Variants in KIAA1958 observed in about 807,000 individuals in gnomAD.
The protein encoded by KIAA1958 is uncharacterized protein KIAA1958.
A neutral mutation model predicts 47.2 loss-of-function variants in KIAA1958; 14 were observed. The ratio of observed to expected loss-of-function variants is 0.30; its 90% CI spans 0.20 to 0.46. The LOEUF is 0.46. Among genes scored for constraint, KIAA1958 ranks in the 20% least tolerant of loss-of-function variants. The pLI, the probability that KIAA1958 is intolerant of heterozygous loss-of-function variation, is 1.00. For synonymous variants in KIAA1958, 354 were observed against 353.3 expected, an observed-to-expected ratio of 1.00 and a Z score of -0.02; for missense variants, 803 against 909.2, an observed-to-expected ratio of 0.88 and a Z score of 1.50.
Position 112,660,073 on chromosome 9 carries a change from C to T in KIAA1958, c.*4C>T. 5 of 1,610,404 alleles carry T rather than the reference C, an allele frequency of 3.1e-6. No homozygotes were observed. The highest frequency in any genetic ancestry group is 4.2e-6 in the Non-Finnish European group (5 of 1,178,922). ...CTCCCACAGCTGCTGCCAGTGAGCC[C>T]CCACTGGGGCCCGGCCACTGCCCTG... On this transcript the variant is annotated 3_prime_UTR_variant, in exon 4 of 4. Transcript: ENST00000337530.
At chr9:112,565,239 C>A (rs1032465299) in intron 1 of KIAA1958, among the ~76,000 whole-genome samples, 3 of 152,312 alleles carry the variant, frequency 2.0e-5, no homozygotes, top group Admixed American at 6.5e-5. Context: ...CTAAACTCCA[C>A]CAGCTAGAAC....
chr9:112,657,997 C>T (rs894373704), intron 3 of KIAA1958, among the ~76,000 whole-genome samples: 2 of 152,080 alleles, frequency 1.3e-5, no homozygotes, highest in Non-Finnish European at 2.9e-5. Flanking sequence ...GCTGGGACTA[C>T]AGGCACACAC....
chr9:112,614,111 T>C (rs983729248), intron 2 of KIAA1958, among the ~76,000 whole-genome samples: 5 of 152,212 alleles, frequency 3.3e-5, no homozygotes, highest in Non-Finnish European at 5.9e-5. Flanking sequence ...CACAACAGTA[T>C]GGATGAAGTT....
intron 1 of KIAA1958, among the ~76,000 whole-genome samples, chr9:112,518,296 A>G (rs1834473560): frequency 6.6e-6 from 1 of 152,266 alleles, no homozygotes. Context: ...CCTTATTTGT[A>G]AAGCTGGAAA....
chr9:112,591,588 A>G (rs889191682), intron 2 of KIAA1958, among the ~76,000 whole-genome samples: 4 of 151,802 alleles, frequency 2.6e-5, no homozygotes, highest in Non-Finnish European at 4.4e-5. Context: ...TAGACTACAT[A>G]TTATTCTTAA....
chr9:112,627,045 T>A (rs559555873), intron 2 of KIAA1958, among the ~76,000 whole-genome samples: 1 of 152,344 alleles, frequency 6.6e-6, no homozygotes, highest in Non-Finnish European at 1.5e-5. Flanking sequence ...GTGACTTAAG[T>A]AACTGTGTAC....
intron 1 of KIAA1958, among the ~76,000 whole-genome samples, chr9:112,524,541 GT>G (rs1834607982): frequency 1.3e-5 from 2 of 152,184 alleles, no homozygotes; most frequent in African/African-American, 4.8e-5. Flanking sequence ...CATTCACATT[GT>G]TGTGCTACCA....
In KIAA1958 at chr9:112,659,686, C is replaced by T. The variant is rs780837293; in HGVS notation, c.1768C>T (p.Gln590Ter). The T allele has an allele frequency of 1.2e-6, 2 of 1,614,172 alleles. No individual in the cohort carries two copies. The highest frequency in any genetic ancestry group is 1.7e-5 in the Admixed American group (1 of 60,016). The part of the protein sequence containing the change: ...YGDIELLKDP[Q>*]NQPYFARTDS... ...TGACATCGAGCTGCTCAAAGACCCC[C>T]AAAACCAGCCCTACTTTGCCCGGAC... is the stretch of plus-strand genomic sequence containing the variant. Residue 590 changes from glutamine to a stop codon, truncating the protein, a stop_gained, in exon 4 of 4, where the codon CAA becomes TAA. Transcript: ENST00000337530. LOFTEE classifies it high-confidence loss of function.
At chr9:112,621,413 C>T (rs898907283) in intron 2 of KIAA1958, among the ~76,000 whole-genome samples, 4 of 152,086 alleles carry the variant, frequency 2.6e-5, no homozygotes, top group African/African-American at 9.7e-5. Flanking sequence ...TTTTAATTGA[C>T]GTAGTTTCTA....
chr9:112,550,498 C>T (rs180897005), intron 1 of KIAA1958, among the ~76,000 whole-genome samples: 2 of 152,318 alleles, frequency 1.3e-5, no homozygotes, highest in Admixed American at 1.3e-4. Context: ...AAGACCACCT[C>T]AGGCTGTGAT....
chr9:112,571,814 CAAAAAA>C (rs1406283610), intron 1 of KIAA1958, among the ~76,000 whole-genome samples: 1 of 137,958 alleles, frequency 7.2e-6, no homozygotes, highest in Non-Finnish European at 1.6e-5. Context: ...TAAATAAAAA[CAAAAAA>C]TAAAAATAAA....
intron 1 of KIAA1958, among the ~76,000 whole-genome samples, chr9:112,570,506 A>G (rs901514136): frequency 1.3e-5 from 2 of 152,118 alleles, no homozygotes; most frequent in African/African-American, 4.8e-5. Context: ...CAGTTAAGCA[A>G]TTTTCTGCTT....
intron 3 of KIAA1958, among the ~76,000 whole-genome samples, chr9:112,646,162 G>A (rs1588052863): frequency 6.6e-6 from 1 of 151,824 alleles, no homozygotes; most frequent in African/African-American, 2.4e-5. Flanking sequence ...GCTGAGTGAT[G>A]TGAGGAAGAA....
chr9:112,635,058 G>A (rs73656439), intron 2 of KIAA1958, among the ~76,000 whole-genome samples: 2,475 of 152,002 alleles, frequency 0.016, 58 homozygotes, highest in African/African-American at 0.051. Context: ...TTCTTTTATT[G>A]TATTATTCTT....
chr9:112,627,570 A>G (rs750185106), intron 2 of KIAA1958, among the ~76,000 whole-genome samples: 14 of 152,174 alleles, frequency 9.2e-5, no homozygotes, highest in Non-Finnish European at 2.1e-4. Flanking sequence ...CCTGGCCAAC[A>G]TGACGAAGCC....
intron 1 of KIAA1958, among the ~76,000 whole-genome samples, chr9:112,494,594 A>G (rs894170877): frequency 3.3e-5 from 5 of 151,696 alleles, no homozygotes; most frequent in South Asian, 4.2e-4. Flanking sequence ...TTTAGCCCCA[A>G]GTAGCTGGGA....
rs2131261493 is a variant in KIAA1958, at chr9:112,668,010, T to TA, written c.*7943dup. 6.6e-6 allele frequency: 1 copy of TA among 152,332 alleles called. No homozygotes were observed. The highest frequency in any genetic ancestry group is 1.5e-5 in the Non-Finnish European group (1 of 68,024). 9.4% of individuals were successfully genotyped at this position (152,332 alleles called of 1,614,324 possible). A position where few individuals can be genotyped will look rare whatever the true frequency, so the allele number is the denominator to read the frequency against. On this transcript the variant is annotated 3_prime_UTR_variant, in exon 4 of 4. Coordinates refer to ENST00000337530, the MANE Select transcript of KIAA1958 (RefSeq NM_133465.4). The stretch of plus-strand genomic sequence containing the variant: ...ATATGAATAGGCTAAATTAATACAA[T>TA]AAGGTGTAATAAATGCCATACCACA...
At chr9:112,531,569 T>G (rs1234118546) in intron 1 of KIAA1958, among the ~76,000 whole-genome samples, 1 of 152,200 alleles carries the variant, frequency 6.6e-6, no homozygotes, top group Non-Finnish European at 1.5e-5. Flanking sequence ...ACTTGTTTAA[T>G]AAGGAAAATG....
chr9:112,593,535 AG>A (rs1198757079), intron 2 of KIAA1958, among the ~76,000 whole-genome samples: 1 of 152,186 alleles, frequency 6.6e-6, no homozygotes, highest in East Asian at 1.9e-4. Context: ...ATGTCTGACC[AG>A]GGATGGAGGG....
Sources: gnomAD v4.1 joint callset for allele counts (sites outside exome capture counted in the v4.1 genomes callset) on GRCh38, gnomAD v4.1.1 for gene constraint, MANE v1.5 for transcripts, NCBI Gene and HGNC (gene_info 2026-07-23, HGNC 2026-07-21) for gene names.